Variants in CA8 observed in about 807,000 individuals in gnomAD.
CA8 encodes carbonic anhydrase-related protein.
CA8 carries 22 observed loss-of-function variants against 41.4 expected under a neutral mutation model. The ratio of observed to expected loss-of-function variants is 0.53; its 90% CI spans 0.38 to 0.76. The LOEUF is 0.76. Among genes scored for constraint, CA8 ranks in the 30% least tolerant of loss-of-function variants. The pLI, the probability that CA8 is intolerant of heterozygous loss-of-function variation, is 0.00. For missense variants in CA8, 270 were observed against 352.8 expected, an observed-to-expected ratio of 0.77 and a Z score of 1.88; for synonymous variants, 121 against 130.6, an observed-to-expected ratio of 0.93 and a Z score of 0.50.
intron 7 of CA8, among the ~76,000 whole-genome samples, chr8:60,219,014 A>T (rs1182743371): frequency 6.6e-6 from 1 of 151,958 alleles, no homozygotes; most frequent in African/African-American, 2.4e-5. Context: ...ACGGGGTCCT[A>T]CCAGTTTAGA....
intron 2 of CA8, among the ~76,000 whole-genome samples, chr8:60,278,519 C>A (rs1269764840): frequency 1.3e-5 from 2 of 152,132 alleles, no homozygotes; most frequent in Non-Finnish European, 2.9e-5. Flanking sequence ...AATAATTTTA[C>A]AATATCCTTT....
At chr8:60,270,723 G>A (rs966851338) in intron 2 of CA8, among the ~76,000 whole-genome samples, 4 of 152,092 alleles carry the variant, frequency 2.6e-5, no homozygotes, top group Admixed American at 6.5e-5. Context: ...GCTCCAAAGG[G>A]TTCATTCTTA....
In CA8 at chr8:60,198,294, G is replaced by A. The variant is rs988396967; in HGVS notation, c.*36-8309C>T. On this transcript the variant is annotated intron_variant, in intron 8 of 8. Transcript: ENST00000317995. The stretch of plus-strand genomic sequence containing the variant: ...CATAGGATTGTTACGAGGACTAAAT[G>A]AGACAAAATACAGCATCATGTCTGA... 3.3e-5 allele frequency among the ~76,000 whole-genome samples: 5 copies of A among 152,228 alleles called. No individual in the cohort carries two copies. In the East Asian group the frequency reaches 9.6e-4, roughly 29 times the overall value.
chr8:60,263,838 C>A (rs1803814740), intron 3 of CA8, among the ~76,000 whole-genome samples: 1 of 152,242 alleles, frequency 6.6e-6, no homozygotes, highest in Admixed American at 6.5e-5. Flanking sequence ...CAGAGATCTC[C>A]TTCTAGTTCT....
chr8:60,265,547 A>T lies in CA8; in HGVS notation c.417+378T>A, dbSNP rs1803874470. 3 of 217,750 alleles carry T rather than the reference A, an allele frequency of 1.4e-5. No homozygotes were observed. The South Asian group carries it at 2.1e-4, about 15-fold the overall frequency. 13.5% of individuals were successfully genotyped at this position (217,750 alleles called of 1,614,324 possible). On this transcript the variant is annotated intron_variant, in intron 3 of 8. Transcript: ENST00000317995. ...CCACCAATTTTAAACTAGCAAACCTACACTTTTCATTACTGTTGAGGTTTC... is the reference window on the plus strand; with the variant it reads ...CCACCAATTTTAAACTAGCAAACCTTCACTTTTCATTACTGTTGAGGTTTC...
intron 7 of CA8, among the ~76,000 whole-genome samples, chr8:60,211,860 A>T (rs772929102): frequency 4.6e-5 from 7 of 152,250 alleles, no homozygotes; most frequent in Non-Finnish European, 8.8e-5. Flanking sequence ...ATACTGAATC[A>T]GCCACACTGA....
intron 8 of CA8, among the ~76,000 whole-genome samples, chr8:60,206,352 T>C (rs995448874): frequency 8.5e-5 from 13 of 152,146 alleles, no homozygotes; most frequent in Admixed American, 2.6e-4. Flanking sequence ...TGTGTGTGTG[T>C]GCGCGTGTGT....
chr8:60,210,618 T>G (rs1029002268), intron 7 of CA8, among the ~76,000 whole-genome samples: 3 of 144,612 alleles, frequency 2.1e-5, no homozygotes, highest in Admixed American at 2.1e-4. Flanking sequence ...TTTCTGTGGG[T>G]TTTTTTTTTT....
intron 3 of CA8, among the ~76,000 whole-genome samples, chr8:60,248,554 G>C (rs1011351899): frequency 5.3e-5 from 8 of 152,108 alleles, no homozygotes; most frequent in Non-Finnish European, 1.5e-5. Flanking sequence ...CAAAGGTCAG[G>C]TGGCTGTAGA....
chr8:60,261,798 G>A (rs35224426), intron 3 of CA8, among the ~76,000 whole-genome samples: 271 of 152,212 alleles, frequency 1.8e-3, no homozygotes, highest in Middle Eastern at 3.4e-3. Context: ...TGCAAGCTCC[G>A]CCTCCCGGGT....
intron 7 of CA8, among the ~76,000 whole-genome samples, chr8:60,217,655 G>C (rs910455065): frequency 6.6e-6 from 1 of 152,026 alleles, no homozygotes; most frequent in Non-Finnish European, 1.5e-5. Context: ...CCATAAACTT[G>C]GCATCTTCTC....
chr8:60,213,851 G>A (rs1806924469), intron 7 of CA8, among the ~76,000 whole-genome samples: 1 of 151,780 alleles, frequency 6.6e-6, no homozygotes, highest in African/African-American at 2.4e-5. Flanking sequence ...GCCTAGCGCT[G>A]CCCTTCACAC....
At chr8:60,213,551 T>C (rs1171925922) in intron 7 of CA8, among the ~76,000 whole-genome samples, 2 of 152,220 alleles carry the variant, frequency 1.3e-5, no homozygotes, top group East Asian at 1.9e-4. Context: ...CAGGCCCACA[T>C]GGCCACCAAG....
chr8:60,265,536 C>A, intron 3 of CA8: 1 of 184,252 alleles, frequency 5.4e-6, no homozygotes, highest in Non-Finnish European at 1.1e-5. Context: ...CAATTTTAAA[C>A]TAGCAAACCT....
chr8:60,224,487 G>T, intron 6 of CA8, 50 bp downstream of exon 6: 1 of 1,041,024 alleles, frequency 9.6e-7, no homozygotes, highest in South Asian at 1.3e-5. Flanking sequence ...AAAACAATGT[G>T]ACTATAGCCA....
chr8:60,248,048 G>A (rs1563368149), intron 3 of CA8, among the ~76,000 whole-genome samples: 1 of 150,922 alleles, frequency 6.6e-6, no homozygotes, highest in Non-Finnish European at 1.5e-5. Context: ...TCGCATAAAT[G>A]TCTTCTTTTG....
At chr8:60,198,918 C>T (rs1585842068) in intron 8 of CA8, among the ~76,000 whole-genome samples, 2 of 151,890 alleles carry the variant, frequency 1.3e-5, no homozygotes, top group Admixed American at 1.3e-4. Flanking sequence ...CTAAGATCCG[C>T]TAAATATAAT....
chr8:60,226,593 T>C (rs1371031180), intron 5 of CA8, among the ~76,000 whole-genome samples: 1 of 152,170 alleles, frequency 6.6e-6, no homozygotes, highest in Non-Finnish European at 1.5e-5. Flanking sequence ...TTCACACATG[T>C]TGTGACACAT....
intron 4 of CA8, among the ~76,000 whole-genome samples, chr8:60,229,483 C>G (rs548321626): frequency 6.6e-6 from 1 of 152,232 alleles, no homozygotes; most frequent in East Asian, 1.9e-4. Context: ...CCTTACTGAC[C>G]CACTAGTCAA....
Sources: allele counts gnomAD v4.1 joint callset (sites outside exome capture counted in the v4.1 genomes callset), GRCh38; gene constraint gnomAD v4.1.1; transcripts MANE v1.5; gene names NCBI Gene and HGNC (gene_info 2026-07-23, HGNC 2026-07-21).